The following BANP variants were observed in gnomAD, a reference collection of about 807,000 sequenced individuals.
BANP encodes the protein protein BANP.
BANP carries 11 observed loss-of-function variants against 68.1 expected under a neutral mutation model. That is an observed-to-expected ratio of 0.16 (90% confidence interval 0.10 to 0.27). The LOEUF (loss-of-function observed/expected upper bound fraction) is 0.27. BANP is among the 10% of genes least tolerant of loss of function. The probability of loss-of-function intolerance (pLI) is 1.00; values close to 1 mark genes in which losing one functional copy is unlikely to be tolerated. For missense variants in BANP, 504 were observed against 722.7 expected (o/e 0.70, Z 3.47); for synonymous variants, 329 against 303.2 (o/e 1.09, Z -0.88).
intron 2 of BANP, among the ~76,000 whole-genome samples, chr16:87,980,316 G>T (rs1464710807): frequency 2.0e-5 from 3 of 152,244 alleles, no homozygotes; most frequent in Non-Finnish European, 4.4e-5. Flanking sequence ...TTGCAGAGAT[G>T]AGGCAATTGT....
chr16:88,063,939 T>C (rs2087668835), intron 11 of BANP, among the ~76,000 whole-genome samples: 1 of 151,932 alleles, frequency 6.6e-6, no homozygotes, highest in South Asian at 2.1e-4. Flanking sequence ...GTCATGACTT[T>C]CAAATGTTTC....
At chr16:87,993,942 G>T (rs754813515) in intron 4 of BANP, among the ~76,000 whole-genome samples, 1 of 152,068 alleles carries the variant, frequency 6.6e-6, no homozygotes, top group Non-Finnish European at 1.5e-5. Context: ...ATGCTTCTCC[G>T]GGCTCATTGT....
intron 1 of BANP, among the ~76,000 whole-genome samples, chr16:87,959,004 T>C (rs373649031): frequency 4.3e-4 from 66 of 152,326 alleles, no homozygotes; most frequent in African/African-American, 1.5e-3. Context: ...CTCAGCATGA[T>C]GTTGGCACGT....
chr16:88,043,869 A>G (rs2081362867), intron 11 of BANP, among the ~76,000 whole-genome samples: 1 of 150,238 alleles, frequency 6.7e-6, no homozygotes, highest in South Asian at 2.1e-4. Context: ...GATTTTCAGA[A>G]GATTCTGAAA....
chr16:88,038,398 C>CT (rs2152766398), intron 11 of BANP, among the ~76,000 whole-genome samples: 1 of 152,244 alleles, frequency 6.6e-6, no homozygotes, highest in African/African-American at 2.4e-5. Context: ...GAGGGCAGGG[C>CT]TTGGGGGTTA....
At chr16:88,024,548 CGAGCCCTGA>C (rs1465839775) in intron 7 of BANP, among the ~76,000 whole-genome samples, 1 of 152,252 alleles carries the variant, frequency 6.6e-6, no homozygotes, top group Non-Finnish European at 1.5e-5. Flanking sequence ...TAAAGGAATC[CGAGCCCTGA>C]GGGCTGCCCA....
intron 6 of BANP, among the ~76,000 whole-genome samples, chr16:88,006,586 C>T (rs192374693): frequency 2.8e-4 from 42 of 147,492 alleles, no homozygotes; most frequent in Non-Finnish European, 4.6e-4. Context: ...GTGGAGGTTG[C>T]GGTGAACCGA....
chr16:87,951,090 C>T (rs1202536692), upstream of BANP, among the ~76,000 whole-genome samples: 1 of 152,220 alleles, frequency 6.6e-6, no homozygotes, highest in African/African-American at 2.4e-5. Context: ...ATGCATGGCT[C>T]CCAGCTTGCG....
intron 13 of BANP, among the ~76,000 whole-genome samples, 163 bp from the exon 14 acceptor site, chr16:88,076,427 G>T (rs549796838): frequency 6.6e-6 from 1 of 152,336 alleles, no homozygotes; most frequent in African/African-American, 2.4e-5. Context: ...GGAGCCAGGC[G>T]TTGTGTACCA....
At chr16:87,970,759 C>T (rs903757803) in intron 1 of BANP, among the ~76,000 whole-genome samples, 1 of 152,168 alleles carries the variant, frequency 6.6e-6, no homozygotes, top group African/African-American at 2.4e-5. Flanking sequence ...GTGGCTCGGC[C>T]TGTCATCCCA....
chr16:88,041,066 G>T (rs1197206979), intron 11 of BANP, among the ~76,000 whole-genome samples: 1 of 152,118 alleles, frequency 6.6e-6, no homozygotes, highest in Non-Finnish European at 1.5e-5. Context: ...TGTGCCCTGT[G>T]CCCCCACATC....
intron 7 of BANP, among the ~76,000 whole-genome samples, chr16:88,027,182 C>T (rs1354661286): frequency 6.6e-6 from 1 of 152,186 alleles, no homozygotes; most frequent in African/African-American, 2.4e-5. Context: ...TGTGAGAGCC[C>T]CAAGTGTGCA....
intron 8 of BANP, among the ~76,000 whole-genome samples, chr16:88,029,528 G>C (rs542909758): frequency 6.6e-6 from 1 of 150,914 alleles, no homozygotes; most frequent in Non-Finnish European, 1.5e-5. Context: ...GGAGAATGGC[G>C]TGAACCTGGG....
chr16:87,981,254 A>C, intron 3 of BANP, 127 bp downstream of exon 3: 1 of 714,052 alleles, frequency 1.4e-6, no homozygotes, highest in Non-Finnish European at 2.5e-6. Context: ...GAGATCCAAA[A>C]TCAAGATGCA....
In BANP at chr16:88,003,640, C is replaced by T. The variant is rs1216696765; in HGVS notation, c.363-655C>T. The T allele has an allele frequency of 4.8e-6, 2 of 416,210 alleles. No individual in the cohort carries two copies. The highest frequency in any genetic ancestry group is 9.6e-6 in the Non-Finnish European group (2 of 207,478). 25.8% of individuals were successfully genotyped at this position (416,210 alleles called of 1,614,324 possible). A position where few individuals can be genotyped will look rare whatever the true frequency, so the allele number is the denominator to read the frequency against. On this transcript the variant is annotated intron_variant, in intron 4 of 13. Coordinates refer to ENST00000682872, the MANE Select transcript of BANP (RefSeq NM_001386991.1). The surrounding 1 kb of genome is among the most constrained non-coding windows in gnomAD (Gnocchi z 6.1). Reference sequence around the variant, plus strand: ...CACTCGTGCTTCCTCCAGGGTGGCGCCAGGCTTGCTGGTTTCTGGGCCATG... The same window carrying T: ...CACTCGTGCTTCCTCCAGGGTGGCGTCAGGCTTGCTGGTTTCTGGGCCATG...
chr16:88,050,920 C>T (rs1339294468), intron 11 of BANP, among the ~76,000 whole-genome samples: 1 of 152,048 alleles, frequency 6.6e-6, no homozygotes, highest in Non-Finnish European at 1.5e-5. Flanking sequence ...CTCCTGCGCT[C>T]AAGCGATCCG....
intron 11 of BANP, among the ~76,000 whole-genome samples, chr16:88,063,794 C>T (rs2087624968): frequency 6.6e-6 from 1 of 152,208 alleles, no homozygotes; most frequent in Non-Finnish European, 1.5e-5. Flanking sequence ...CAGCTCATTA[C>T]ACTGGAAGAA....
At chr16:88,044,749 C>T (rs1156323444) in intron 11 of BANP, among the ~76,000 whole-genome samples, 4 of 152,138 alleles carry the variant, frequency 2.6e-5, no homozygotes, top group Non-Finnish European at 4.4e-5. Context: ...TTTGGGAGGC[C>T]GAGGCAGGTG....
At position 88,018,079 on chromosome 16, in the gene BANP, T is replaced by G. The variant is rs2152661335; in HGVS notation, c.656-349T>G. 6.6e-6 allele frequency among the ~76,000 whole-genome samples: 1 copy of G among 152,146 alleles called. No homozygotes were observed. Among genetic ancestry groups the G allele is most frequent in the African/African-American group, 2.4e-5 (1 of 41,524 alleles). ...GGGAGGGTTCCGCTCTGCAGGTGGCTGGGGCAGGTACCAACTGTGTGCAAG... is the reference window on the plus strand; with the variant it reads ...GGGAGGGTTCCGCTCTGCAGGTGGCGGGGGCAGGTACCAACTGTGTGCAAG... On this transcript the variant is annotated intron_variant, in intron 6 of 13. Transcript: ENST00000682872. The surrounding 1 kb of genome is among the most constrained non-coding windows in gnomAD (Gnocchi z 7.7).
Sources: allele counts gnomAD v4.1 joint callset (sites outside exome capture counted in the v4.1 genomes callset), GRCh38; gene constraint gnomAD v4.1.1; non-coding constraint Gnocchi (gnomAD v3.1); transcripts MANE v1.5; gene names NCBI Gene and HGNC (gene_info 2026-07-23, HGNC 2026-07-21).